PRLR: variants seen among roughly 807,000 people sequenced by gnomAD.
The protein encoded by PRLR is hPRL receptor.
A neutral mutation model predicts 40.2 loss-of-function variants in PRLR; 13 were observed. The observed-to-expected ratio is 0.32, with a 90% CI of 0.21 to 0.51. PRLR has a LOEUF of 0.51. Ranked by LOEUF, PRLR falls within the 20% of genes least tolerant of loss-of-function variation. The pLI, the probability that PRLR is intolerant of heterozygous loss-of-function variation, is 0.97. For missense variants in PRLR, 656 were observed against 747.3 expected (o/e 0.88, Z 1.42); for synonymous variants, 269 against 278.7 (o/e 0.97, Z 0.35).
intron 1 of PRLR, among the ~76,000 whole-genome samples, chr5:35,173,142 A>T (rs999236950): frequency 6.6e-6 from 1 of 152,146 alleles, no homozygotes; most frequent in Non-Finnish European, 1.5e-5. Context: ...TCCTGATTCA[A>T]ACGTTCTCCT....
chr5:35,110,100 A>C (rs973484242), intron 2 of PRLR, among the ~76,000 whole-genome samples: 1 of 152,176 alleles, frequency 6.6e-6, no homozygotes, highest in Non-Finnish European at 1.5e-5. Context: ...CATCACTCTG[A>C]GCAAACTATC....
At chr5:35,176,274 C>CA (rs1330982309) in intron 1 of PRLR, among the ~76,000 whole-genome samples, 4 of 151,972 alleles carry the variant, frequency 2.6e-5, no homozygotes, top group Non-Finnish European at 2.9e-5. Flanking sequence ...TAATCTGCTT[C>CA]AAAAAAACCA....
chr5:35,171,869 C>A (rs4703504), intron 1 of PRLR, among the ~76,000 whole-genome samples: 6,049 of 152,190 alleles, frequency 0.04, 154 homozygotes, highest in Middle Eastern at 0.11. Context: ...TTTTAAAGAA[C>A]CTTTACTTTT....
chr5:35,075,660 G>T (rs563529526), intron 5 of PRLR, among the ~76,000 whole-genome samples: 1 of 152,328 alleles, frequency 6.6e-6, no homozygotes, highest in African/African-American at 2.4e-5. Flanking sequence ...AGACTTAAAC[G>T]TCCCTGTCTG....
intron 1 of PRLR, among the ~76,000 whole-genome samples, chr5:35,126,034 C>T (rs1294830073): frequency 2.0e-5 from 3 of 152,152 alleles, no homozygotes; most frequent in Non-Finnish European, 4.4e-5. Context: ...GTTTTGCTAT[C>T]CAAAGCTGCC....
chr5:35,086,438 C>A, intron 3 of PRLR, 98 bp from the exon 4 acceptor site: 4 of 1,413,032 alleles, frequency 2.8e-6, no homozygotes, highest in East Asian at 2.4e-5. Flanking sequence ...CCAAAGCCAG[C>A]GATGAAGTCT....
At chr5:35,110,633 C>T (rs1449647019) in intron 2 of PRLR, among the ~76,000 whole-genome samples, 1 of 152,160 alleles carries the variant, frequency 6.6e-6, no homozygotes, top group African/African-American at 2.4e-5. Context: ...AGAGCAGGCT[C>T]ATTTCTAGAG....
rs930618733 is a variant in PRLR, at chr5:35,059,340, A to C, written c.*5749T>G. 1 of 152,190 alleles carries C rather than the reference A, an allele frequency of 6.6e-6. No homozygotes were observed. The highest frequency in any genetic ancestry group is 2.1e-4 in the South Asian group (1 of 4,832). The allele number at this position is 152,190 out of a possible 1,614,324, so 9.4% of individuals were successfully genotyped here. ...GGTTTTTCCTATTTTGAGACTTTAC[A>C]TGTCTCAGTACTTTCTAAATTGAAA... On this transcript the variant is annotated 3_prime_UTR_variant, in exon 10 of 10. Transcript: ENST00000618457.
intron 1 of PRLR, among the ~76,000 whole-genome samples, chr5:35,220,529 A>G (rs1246075946): frequency 6.6e-6 from 1 of 151,986 alleles, no homozygotes; most frequent in Non-Finnish European, 1.5e-5. Context: ...TTTTCATAGT[A>G]CTGACTAATT....
At chr5:35,113,135 C>T (rs1432619168) in intron 2 of PRLR, among the ~76,000 whole-genome samples, 2 of 150,356 alleles carry the variant, frequency 1.3e-5, no homozygotes, top group African/African-American at 4.9e-5. Flanking sequence ...CCCATTTATC[C>T]ACCCACCCAT....
At chr5:35,103,196 T>C (rs1339880121) in intron 2 of PRLR, among the ~76,000 whole-genome samples, 1 of 152,212 alleles carries the variant, frequency 6.6e-6, no homozygotes, top group Admixed American at 6.5e-5. Context: ...GAGTTTTAAA[T>C]AGTGATGCAT....
intron 1 of PRLR, among the ~76,000 whole-genome samples, chr5:35,213,634 A>C (rs1311687675): frequency 6.6e-6 from 1 of 152,178 alleles, no homozygotes; most frequent in Non-Finnish European, 1.5e-5. Context: ...CAGAACCAAA[A>C]CTGAACAATG....
intron 1 of PRLR, among the ~76,000 whole-genome samples, chr5:35,190,236 G>T (rs144108057): frequency 6.6e-6 from 1 of 152,282 alleles, no homozygotes; most frequent in East Asian, 1.9e-4. Flanking sequence ...AAGAGATTAA[G>T]TTCTTCCCCA....
chr5:35,135,546 G>C (rs2962098), intron 1 of PRLR: 32,421 of 152,248 alleles, frequency 0.21, 6,352 homozygotes, highest in African/African-American at 0.52. Context: ...CCTTATTTCT[G>C]GTCCCTGAGT....
chr5:35,221,708 C>T (rs1776425092), intron 1 of PRLR, among the ~76,000 whole-genome samples: 1 of 152,196 alleles, frequency 6.6e-6, no homozygotes, highest in South Asian at 2.1e-4. Context: ...GTTTCTAAAG[C>T]TCCCTAGGTG....
chr5:35,078,730 C>G (rs971738887), intron 5 of PRLR, among the ~76,000 whole-genome samples: 1 of 152,212 alleles, frequency 6.6e-6, no homozygotes, highest in African/African-American at 2.4e-5. Context: ...CATCCTGATA[C>G]CAAAGCCTGG....
intron 1 of PRLR, among the ~76,000 whole-genome samples, chr5:35,149,476 C>T (rs1199863316): frequency 6.6e-6 from 1 of 152,138 alleles, no homozygotes; most frequent in Non-Finnish European, 1.5e-5. Flanking sequence ...AGTTTTCATG[C>T]AGCTCACACA....
chr5:35,104,425 C>T (rs1032890600), intron 2 of PRLR, among the ~76,000 whole-genome samples: 18 of 152,196 alleles, frequency 1.2e-4, no homozygotes, highest in Non-Finnish European at 2.5e-4. Flanking sequence ...GGGGGTGCAT[C>T]GCCTCACCCG....
intron 8 of PRLR, among the ~76,000 whole-genome samples, chr5:35,049,660 T>A (rs558773416): frequency 6.6e-6 from 1 of 152,218 alleles, no homozygotes; most frequent in East Asian, 1.9e-4. Context: ...TGTATACACA[T>A]GCTGTTTCAG....
Sources: allele counts gnomAD v4.1 joint callset (sites outside exome capture counted in the v4.1 genomes callset), GRCh38; gene constraint gnomAD v4.1.1; transcripts MANE v1.5; gene names NCBI Gene and HGNC (gene_info 2026-07-23, HGNC 2026-07-21).